MARCHF11: variants seen among roughly 807,000 people sequenced by gnomAD.
The protein encoded by MARCHF11 is membrane associated ring-CH-type finger 11.
MARCHF11 carries 29 observed loss-of-function variants against 37.3 expected under a neutral mutation model. That is an observed-to-expected ratio of 0.78 (90% CI 0.58 to 1.06). The LOEUF is 1.06. Ranked by LOEUF, MARCHF11 falls within the 50% of genes least tolerant of loss-of-function variation. The pLI, the probability that MARCHF11 is intolerant of heterozygous loss-of-function variation, is 0.00. For synonymous variants in MARCHF11, 233 were observed against 228.0 expected (o/e 1.02, Z -0.20); for missense variants, 482 against 533.4 (o/e 0.90, Z 0.95).
chr5:16,116,071 A>G (rs1737222370), intron 2 of MARCHF11, among the ~76,000 whole-genome samples: 1 of 152,226 alleles, frequency 6.6e-6, no homozygotes, highest in East Asian at 1.9e-4. Context: ...CCTTTGGAAC[A>G]TGAATGTACT....
At chr5:16,113,323 T>C (rs912487163) in intron 2 of MARCHF11, among the ~76,000 whole-genome samples, 2 of 152,224 alleles carry the variant, frequency 1.3e-5, no homozygotes, top group African/African-American at 4.8e-5. Context: ...ATCTCAGATT[T>C]GTTCACTATT....
chr5:16,085,918 C>T (rs1277555712), intron 3 of MARCHF11, among the ~76,000 whole-genome samples: 5 of 102,950 alleles, frequency 4.9e-5, no homozygotes, highest in Non-Finnish European at 7.3e-5. Context: ...CTGGCCTGGG[C>T]GAAAGAGCAA....
Position 16,120,981 on chromosome 5 carries a change from T to C in MARCHF11, c.694-29900A>G, listed in dbSNP as rs143120828. Among the ~76,000 whole-genome samples the C allele has an allele frequency of 1.1e-3, 173 of 152,352 alleles. 2 individuals are homozygous for C. Among genetic ancestry groups the C allele is most frequent in the African/African-American group, 4.0e-3 (167 of 41,580 alleles). On this transcript the variant is annotated intron_variant, in intron 2 of 3. Coordinates refer to ENST00000332432, the MANE Select transcript of MARCHF11 (RefSeq NM_001102562.3). Reference sequence around the variant, plus strand: ...AATAAATGGTGGTTGTTCTAAACCATTAACTTTGGGATGCTTTGTTATGTG... The same window carrying C: ...AATAAATGGTGGTTGTTCTAAACCACTAACTTTGGGATGCTTTGTTATGTG...
At chr5:16,080,652 G>A (rs16868081) in intron 3 of MARCHF11, among the ~76,000 whole-genome samples, 4,129 of 152,238 alleles carry the variant, frequency 0.027, 173 homozygotes, top group African/African-American at 0.094. Flanking sequence ...TGACACTTGA[G>A]GGTCTCTTGC....
intron 3 of MARCHF11, among the ~76,000 whole-genome samples, chr5:16,082,994 C>A (rs1249076271): frequency 6.6e-6 from 1 of 152,174 alleles, no homozygotes; most frequent in Non-Finnish European, 1.5e-5. Flanking sequence ...TCCTCAGTGA[C>A]CCCAGGAGCT....
rs1738436936 is a variant in MARCHF11, at chr5:16,179,555, G to A, written c.21C>T (p.His7=). The change falls in exon 1 of 4, where the codon CAC becomes CAT. Residue 7 remains histidine (H), a synonymous_variant. Coordinates refer to ENST00000332432, the MANE Select transcript of MARCHF11 (RefSeq NM_001102562.3). MSFEGG[H]GGSRCRGAES... Reference sequence around the variant, plus strand: ...CCGCCCCGCGACACCGACTGCCGCCGTGGCCGCCCTCAAAGCTCATGGTTG... The same window carrying A: ...CCGCCCCGCGACACCGACTGCCGCCATGGCCGCCCTCAAAGCTCATGGTTG... 6 of 1,182,738 alleles carry A rather than the reference G, an allele frequency of 5.1e-6. No homozygotes were observed. The highest frequency in any genetic ancestry group is 6.3e-6 in the Non-Finnish European group (6 of 956,754). The allele number at this position is 1,182,738 out of a possible 1,614,324, so 73.3% of individuals were successfully genotyped here. A position where few individuals can be genotyped will look rare whatever the true frequency, so the allele number is the denominator to read the frequency against.
chr5:16,124,728 C>T lies in MARCHF11; in HGVS notation c.694-33647G>A, dbSNP rs369114632. 3.5e-5 allele frequency among the ~76,000 whole-genome samples: 5 copies of T among 141,774 alleles called. 1 individual carries two copies. The highest frequency in any genetic ancestry group is 1.9e-4 in the East Asian group (1 of 5,176). The allele number at this position is 141,774 out of a possible 152,430, so 93.0% of individuals were successfully genotyped here. A position where few individuals can be genotyped will look rare whatever the true frequency, so the allele number is the denominator to read the frequency against. On this transcript the variant is annotated intron_variant, in intron 2 of 3. Transcript: ENST00000332432. ...GATGCTATCTCAAGGAACTTTACTT[C>T]CATTCATGTCAGTGATACCTACAGA...
At chr5:16,121,568 G>A (rs139209185) in intron 2 of MARCHF11, among the ~76,000 whole-genome samples, 3 of 152,162 alleles carry the variant, frequency 2.0e-5, no homozygotes, top group Admixed American at 6.6e-5. Flanking sequence ...CTCTAGATTC[G>A]TTAGTGACAG....
rs927800643 is a variant in MARCHF11 at position 16,127,436 on chromosome 5, G to A, written c.694-36355C>T. On this transcript the variant is annotated intron_variant, in intron 2 of 3. Transcript: ENST00000332432. ...GAGGGAGGAAGACCTTGACTCATAC[G>A]GAGCTTGAATGTGAGCAAACGGAAC... Among the ~76,000 whole-genome samples the A allele has an allele frequency of 2.6e-5, 4 of 152,146 alleles. 1 individual carries two copies. Among genetic ancestry groups the A allele is most frequent in the South Asian group, 4.1e-4 (2 of 4,828 alleles).
chr5:16,119,487 CTCTGGTACCTCA>C (rs1266882056), intron 2 of MARCHF11, among the ~76,000 whole-genome samples: 1 of 152,092 alleles, frequency 6.6e-6, no homozygotes, highest in Non-Finnish European at 1.5e-5. Flanking sequence ...GGCATTTCCT[CTCTGGTACCTCA>C]TCTGGTACCT....
At chr5:16,124,220 G>T (rs1295909492) in intron 2 of MARCHF11, among the ~76,000 whole-genome samples, 1 of 152,080 alleles carries the variant, frequency 6.6e-6, no homozygotes, top group Non-Finnish European at 1.5e-5. Flanking sequence ...AAAGATGGAA[G>T]AAGAAAATGA....
At chr5:16,108,237 C>T (rs1560976767) in intron 2 of MARCHF11, among the ~76,000 whole-genome samples, 1 of 152,070 alleles carries the variant, frequency 6.6e-6, no homozygotes, top group Non-Finnish European at 1.5e-5. Context: ...GCCCACCCAC[C>T]AGAGCTGGGC....
At chr5:16,093,794 C>T (rs1736822577) in intron 2 of MARCHF11, among the ~76,000 whole-genome samples, 2 of 152,202 alleles carry the variant, frequency 1.3e-5, no homozygotes, top group African/African-American at 2.4e-5. Flanking sequence ...TTACAGTACA[C>T]TGGGAAGCTT....
intron 2 of MARCHF11, among the ~76,000 whole-genome samples, chr5:16,130,852 C>G (rs1737504169): frequency 6.6e-6 from 1 of 152,180 alleles, no homozygotes; most frequent in African/African-American, 2.4e-5. Flanking sequence ...TTTCCATTCT[C>G]ATTGAAATTA....
At chr5:16,144,330 T>C (rs1486514936) in intron 2 of MARCHF11, among the ~76,000 whole-genome samples, 3 of 152,164 alleles carry the variant, frequency 2.0e-5, no homozygotes, top group Non-Finnish European at 1.5e-5. Context: ...GAAAATGGAT[T>C]TTAACAAATT....
At chr5:16,157,277 T>C (rs1377464033) in intron 2 of MARCHF11, among the ~76,000 whole-genome samples, 1 of 151,880 alleles carries the variant, frequency 6.6e-6, no homozygotes, top group Non-Finnish European at 1.5e-5. Context: ...GACAAAGTAA[T>C]CTACAAATTC....
At chr5:16,073,068 C>T (rs988021252) in intron 3 of MARCHF11, among the ~76,000 whole-genome samples, 1 of 152,172 alleles carries the variant, frequency 6.6e-6, no homozygotes, top group African/African-American at 2.4e-5. Flanking sequence ...CACCCAAAAT[C>T]TATAATACAT....
chr5:16,101,896 A>C (rs907786838), intron 2 of MARCHF11, among the ~76,000 whole-genome samples: 6 of 152,256 alleles, frequency 3.9e-5, no homozygotes, highest in Non-Finnish European at 5.9e-5. Context: ...ATTAGGGACC[A>C]TAGCATGAGG....
At chr5:16,102,948 AG>A (rs1736982786) in intron 2 of MARCHF11, among the ~76,000 whole-genome samples, 1 of 152,222 alleles carries the variant, frequency 6.6e-6, no homozygotes, top group African/African-American at 2.4e-5. Context: ...GAAGGGGTCA[AG>A]GGAACTATCT....
Sources: gnomAD v4.1 joint callset for allele counts (sites outside exome capture counted in the v4.1 genomes callset) on GRCh38, gnomAD v4.1.1 for gene constraint, MANE v1.5 for transcripts, NCBI Gene and HGNC (gene_info 2026-07-23, HGNC 2026-07-21) for gene names.